Variants in ZSCAN5B observed in about 807,000 individuals in gnomAD.
ZSCAN5B encodes zinc finger and SCAN domain-containing protein 5B.
Under a neutral mutation model 25.2 loss-of-function variants are expected in ZSCAN5B, and 26 were observed. That is an observed-to-expected ratio of 1.03 (90% CI 0.76 to 1.43). The LOEUF is 1.43. Among genes scored for constraint, ZSCAN5B ranks in the 40% most tolerant of loss-of-function variants. The probability of loss-of-function intolerance (pLI) is 0.00; values close to 1 mark genes in which losing one functional copy is unlikely to be tolerated. For synonymous variants in ZSCAN5B, 244 were observed against 240.9 expected (o/e 1.01, Z -0.12); for missense variants, 745 against 622.1 (o/e 1.20, Z -2.10).
At chr19:56,189,928 C>G (rs369165340) in exon 5 of ZSCAN5B, 36 of 1,613,890 alleles carry the variant, frequency 2.2e-5, no homozygotes, top group Non-Finnish European at 3.1e-5. Context: ...GGCTTCTCTC[C>G]GGAGTGGGTG....
At chr19:56,191,064 C>A (rs757413169) in intron 3 of ZSCAN5B, 77 bp from the exon 4 acceptor site, 166 of 1,592,422 alleles carry the variant, frequency 1.0e-4, no homozygotes, top group Middle Eastern at 6.7e-4. Flanking sequence ...CCCCTCCTGA[C>A]TGGACACACC....
At chr19:56,192,987 A>C (rs760588021) in exon 2 of ZSCAN5B, 41 of 1,607,000 alleles carry the variant, frequency 2.6e-5, no homozygotes, top group Admixed American at 1.2e-4. Flanking sequence ...CAGACCGTGG[A>C]GTGTCTGACC....
At chr19:56,192,075 T>C (rs1403560783) in intron 2 of ZSCAN5B, 22 bp from the exon 3 acceptor site, 1 of 1,592,530 alleles carries the variant, frequency 6.3e-7, no homozygotes, top group Admixed American at 1.8e-5. Flanking sequence ...AAAAAGACAA[T>C]CAGACACTAT....
exon 5 of ZSCAN5B, chr19:56,190,575 T>C: frequency 1.2e-6 from 2 of 1,610,252 alleles, no homozygotes; most frequent in Non-Finnish European, 1.7e-6. Flanking sequence ...TCTCACCAGA[T>C]CTGGTGGAAG....
chr19:56,195,642 G>A (rs1339749396), intron 1 of ZSCAN5B, among the ~76,000 whole-genome samples: 1 of 152,028 alleles, frequency 6.6e-6, no homozygotes, highest in African/African-American at 2.4e-5. Flanking sequence ...GGTACACAGA[G>A]GAAAGGAAAT....
rs548863728 is a variant in ZSCAN5B, at chr19:56,190,055, G to C, written c.1260C>G (p.Phe420Leu). ...GGCCCTGTAAGGTGGACTCGTGGGCGAACCGCTTTTGGCAGACGTCACACA... is the reference window on the plus strand; with the variant it reads ...GGCCCTGTAAGGTGGACTCGTGGGCCAACCGCTTTTGGCAGACGTCACACA... Residue 420 changes from phenylalanine (F) to leucine (L), a missense_variant, in exon 5 of 5, where the codon TTC (phenylalanine) becomes TTG (leucine). Transcript: ENST00000586855. The C allele has an allele frequency of 1.9e-6, 3 of 1,613,952 alleles. No homozygotes were observed. In the East Asian group the frequency reaches 6.7e-5, roughly 36 times the overall value.
chr19:56,194,895 G>A (rs1176176823), intron 1 of ZSCAN5B, among the ~76,000 whole-genome samples: 2 of 152,132 alleles, frequency 1.3e-5, no homozygotes, highest in Non-Finnish European at 2.9e-5. Flanking sequence ...GAGCCATCGC[G>A]CACAGCCCAA....
chr19:56,189,942 T>TG lies in ZSCAN5B; in HGVS notation c.1372dup (p.Gln458ProfsTer68). ...GGGCTTCTCTCCGGAGTGGGTGCGC[T>TG]GGTGAACGTTCAGGTTCCCCTTGTG... is the stretch of plus-strand genomic sequence containing the variant. On this transcript the variant is annotated frameshift_variant, in exon 5 of 5. Coordinates refer to ENST00000586855, the Ensembl canonical transcript of ZSCAN5B. LOFTEE classifies it low-confidence loss of function (END_TRUNC). 1.9e-6 allele frequency: 3 copies of TG among 1,614,064 alleles called. No individual in the cohort carries two copies. Among genetic ancestry groups the TG allele is most frequent in the Non-Finnish European group, 2.5e-6 (3 of 1,179,948 alleles).
At chr19:56,192,647 C>T in intron 2 of ZSCAN5B, 22 bp downstream of exon 2, 1 of 1,588,314 alleles carries the variant, frequency 6.3e-7, no homozygotes, top group Non-Finnish European at 8.6e-7. Context: ...TTCCCTGCAC[C>T]AATCACGAGG....
At chr19:56,192,463 C>T (rs2032750014) in intron 2 of ZSCAN5B, among the ~76,000 whole-genome samples, 1 of 152,232 alleles carries the variant, frequency 6.6e-6, no homozygotes, top group African/African-American at 2.4e-5. Context: ...GCCTCCTTCC[C>T]TACGTTCCAT....
exon 2 of ZSCAN5B, chr19:56,193,116 A>C: frequency 6.9e-7 from 1 of 1,456,616 alleles, no homozygotes; most frequent in Non-Finnish European, 9.1e-7. Context: ...TATCAAATTG[A>C]GACCTATTTA....
chr19:56,190,525 C>T (rs1186025761), exon 5 of ZSCAN5B: 1 of 1,613,612 alleles, frequency 6.2e-7, no homozygotes, highest in Non-Finnish European at 8.5e-7. Context: ...TCCACATTTT[C>T]CACAGAGGCT....
chr19:56,197,870 G>C, exon 1 of ZSCAN5B: 2 of 985,054 alleles, frequency 2.0e-6, no homozygotes, highest in Non-Finnish European at 2.4e-6. Flanking sequence ...GCCGTGATTG[G>C]TTTAGGGCCA....
intron 1 of ZSCAN5B, among the ~76,000 whole-genome samples, chr19:56,197,307 G>C (rs1049136062): frequency 1.3e-5 from 2 of 151,708 alleles, no homozygotes; most frequent in Non-Finnish European, 2.9e-5. Flanking sequence ...CGAATAGCGG[G>C]TATTACCCTA....
At chr19:56,190,213 A>T in exon 5 of ZSCAN5B, 2 of 1,614,068 alleles carry the variant, frequency 1.2e-6, no homozygotes, top group East Asian at 2.2e-5. Context: ...CTTAGCTGGG[A>T]AAAATACTTA....
At chr19:56,190,022 C>A (rs1234972547) in exon 5 of ZSCAN5B, 1 of 1,613,888 alleles carries the variant, frequency 6.2e-7, no homozygotes, top group South Asian at 1.1e-5. Flanking sequence ...CGGTGTGGAT[C>A]CTCTTGTGGC....
chr19:56,189,953 C>T (rs2122189145), exon 5 of ZSCAN5B: 1 of 1,614,002 alleles, frequency 6.2e-7, no homozygotes, highest in Non-Finnish European at 8.5e-7. Context: ...GGTGAACGTT[C>T]AGGTTCCCCT....
chr19:56,196,367 TA>T (rs1202184507), intron 1 of ZSCAN5B, among the ~76,000 whole-genome samples: 3 of 151,686 alleles, frequency 2.0e-5, no homozygotes, highest in Non-Finnish European at 3.0e-5. Flanking sequence ...AACTTTTTTT[TA>T]AAAAAATAAA....
At position 56,192,905 on chromosome 19, in the gene ZSCAN5B, A is replaced by T; in HGVS notation, c.148T>A (p.Phe50Ile). The change falls in exon 2 of 5, where the codon TTC becomes ATC. Residue 50 changes from phenylalanine to isoleucine, a missense_variant. By Grantham distance (21) the Phe-to-Ile change is conservative (BLOSUM62 0). Transcript: ENST00000586855. The stretch of plus-strand genomic sequence containing the variant: ...GGGTCCGACTCCTCTGGGCAGCTGA[A>T]CATCCTGAAATTCATGTGCCAAGTC... The T allele has an allele frequency of 3.7e-6, 6 of 1,614,102 alleles. No homozygotes were observed. Among genetic ancestry groups the T allele is most frequent in the Non-Finnish European group, 4.2e-6 (5 of 1,179,998 alleles).
Sources: allele counts gnomAD v4.1 joint callset (sites outside exome capture counted in the v4.1 genomes callset), GRCh38; gene constraint gnomAD v4.1.1; transcripts MANE v1.5; gene names NCBI Gene and HGNC (gene_info 2026-07-23, HGNC 2026-07-21).